WDR44: variants seen among roughly 807,000 people sequenced by gnomAD.
WDR44 encodes the protein WD repeat-containing protein 44.
In WDR44, 9 loss-of-function variants were observed where a neutral mutation model predicts 65.7. The ratio of observed to expected loss-of-function variants is 0.14; its 90% CI spans 0.08 to 0.24. WDR44 has a LOEUF of 0.24. Among genes scored for constraint, WDR44 ranks in the 10% least tolerant of loss-of-function variants. The pLI, the probability that WDR44 is intolerant of heterozygous loss-of-function variation, is 1.00. For synonymous variants in WDR44, 220 were observed against 235.2 expected (o/e 0.94, Z 0.59); for missense variants, 425 against 670.9 (o/e 0.63, Z 4.05).
At chrX:118,369,883 A>T (rs2056599145) in intron 1 of WDR44, among the ~76,000 whole-genome samples, 2 of 112,509 alleles carry the variant, frequency 1.8e-5, no homozygotes, top group Non-Finnish European at 3.7e-5. Flanking sequence ...TAAGTGGAAG[A>T]CACACTAAAT....
At chrX:118,368,760 C>G (rs1246474596) in intron 1 of WDR44, among the ~76,000 whole-genome samples, 1 of 98,330 alleles carries the variant, frequency 1.0e-5, no homozygotes, top group African/African-American at 3.9e-5. Flanking sequence ...CTCTGTCACC[C>G]AGGCTGGAGT....
chrX:118,432,102 TG>T (rs2057216788), intron 12 of WDR44, among the ~76,000 whole-genome samples: 1 of 111,935 alleles, frequency 8.9e-6, no homozygotes, highest in Non-Finnish European at 1.9e-5. Flanking sequence ...CAACTGAAAA[TG>T]GCTTAAACAA....
chrX:118,441,141 C>T lies in WDR44; in HGVS notation c.1975-227C>T, dbSNP rs766270739. Among the ~76,000 whole-genome samples the T allele has an allele frequency of 4.6e-5, 5 of 108,825 alleles. No homozygotes were observed. The South Asian group carries it at 2.0e-3, about 43-fold the overall frequency. 94.5% of individuals were successfully genotyped at this position (108,825 alleles called of 115,157 possible). On this transcript the variant is annotated intron_variant, in intron 14 of 19. Coordinates refer to ENST00000254029, the MANE Select transcript of WDR44 (RefSeq NM_019045.5). ...TGCCCAGCTAATTTTTATATTTTTA[C>T]TAGAGACGAGGTTTCACCATATTGG...
chrX:118,395,101 TGAAG>T (rs1476177742), intron 5 of WDR44, 144 bp from the exon 6 acceptor site: 3 of 502,973 alleles, frequency 6.0e-6, no homozygotes, highest in Non-Finnish European at 9.7e-6. Flanking sequence ...CTGGGAAAAA[TGAAG>T]GACTGAAACG....
intron 1 of WDR44, among the ~76,000 whole-genome samples, chrX:118,369,615 C>T (rs1233880941): frequency 9.4e-6 from 1 of 106,414 alleles, no homozygotes; most frequent in African/African-American, 3.5e-5. Flanking sequence ...GCTACAGGCG[C>T]CCACCACCAC....
chrX:118,406,714 C>T (rs866683350), intron 9 of WDR44, among the ~76,000 whole-genome samples, 161 bp from the exon 10 acceptor site: 1 of 111,770 alleles, frequency 8.9e-6, no homozygotes, highest in Non-Finnish European at 1.9e-5. Flanking sequence ...TTGAACCTGG[C>T]AGTCTGGCAT....
chrX:118,364,053 G>A (rs1418161816), intron 1 of WDR44, among the ~76,000 whole-genome samples: 1 of 112,253 alleles, frequency 8.9e-6, no homozygotes, highest in Non-Finnish European at 1.9e-5. Flanking sequence ...GGTAGAGCAT[G>A]CATTAAGTGA....
chrX:118,392,245 G>T (rs1039967895), intron 3 of WDR44, among the ~76,000 whole-genome samples: 5 of 112,123 alleles, frequency 4.5e-5, no homozygotes, highest in Admixed American at 9.5e-5. Context: ...GCATAAATAT[G>T]TAAATGAATC....
chrX:118,438,797 G>GTTTTTTTGTTTTTTTTTTTT (rs1431508948), intron 14 of WDR44, among the ~76,000 whole-genome samples: 3 of 64,071 alleles, frequency 4.7e-5, no homozygotes, highest in African/African-American at 1.7e-4. Flanking sequence ...GTTCAGCCAT[G>GTTTTTTTGTTTTTTTTTTTT]TTTTTTTTTT....
At chrX:118,444,937 C>G (rs2057333774) in intron 19 of WDR44, 2 of 329,440 alleles carry the variant, frequency 6.1e-6, no homozygotes, top group South Asian at 5.2e-5. Context: ...ATATCCATTT[C>G]TGAACTTTTC....
intron 4 of WDR44, 48 bp from the exon 5 acceptor site, chrX:118,394,007 A>G (rs1569367962): frequency 8.8e-7 from 1 of 1,138,916 alleles, no homozygotes; most frequent in South Asian, 1.9e-5. Flanking sequence ...TGTTACAAGA[A>G]TCAAACAAAA....
At chrX:118,387,459 A>G in intron 3 of WDR44, 45 bp downstream of exon 3, 1 of 961,552 alleles carries the variant, frequency 1.0e-6, no homozygotes, top group Non-Finnish European at 1.4e-6. Context: ...CAGACATCAT[A>G]TTTATATGGT....
intron 12 of WDR44, among the ~76,000 whole-genome samples, chrX:118,414,294 G>T (rs5956053): frequency 0.44 from 33,704 of 76,569 alleles, 8,670 homozygotes; most frequent in African/African-American, 0.86. Context: ...ATGGTTTTGT[G>T]TTTTTTTTTT....
intron 13 of WDR44, among the ~76,000 whole-genome samples, chrX:118,434,488 TTA>T (rs1214050350): frequency 8.9e-6 from 1 of 112,281 alleles, no homozygotes; most frequent in East Asian, 2.8e-4. Context: ...ACTTTTATTT[TTA>T]TTTCATTTTT....
At chrX:118,405,740 A>G (rs2056960318) in intron 9 of WDR44, among the ~76,000 whole-genome samples, 1 of 112,246 alleles carries the variant, frequency 8.9e-6, no homozygotes, top group African/African-American at 3.2e-5. Flanking sequence ...TTAAAAATAT[A>G]TAAAAAATAA....
rs201419938 is a variant in WDR44 at position 118,356,386 on chromosome X, A to AT, written c.77+9817dup. Among the ~76,000 whole-genome samples, 7 of 105,398 alleles carry AT rather than the reference A, an allele frequency of 6.6e-5. No individual in the cohort carries two copies. The East Asian group carries it at 1.2e-3, about 18-fold the overall frequency. The allele number at this position is 105,398 out of a possible 115,157, so 91.5% of individuals were successfully genotyped here. ...CCGTGTCAAAAAGTCTTAATCCCAG[A>AT]TTTTTTTTTTTCCTACAATTGTTTT... On this transcript the variant is annotated intron_variant, in intron 1 of 19. Coordinates refer to ENST00000254029, the MANE Select transcript of WDR44 (RefSeq NM_019045.5).
Position 118,404,463 on chromosome X carries a change from T to A in WDR44, c.1381+19T>A, listed in dbSNP as rs775004533. ...GATGAAGGTGAGTTAAAACAGAACA[T>A]TTCAACTAAACATTCAATTAATTTG... On this transcript the variant is annotated intron_variant, in intron 9 of 19. Transcript: ENST00000254029. 1 of 1,078,099 alleles carries A rather than the reference T, an allele frequency of 9.3e-7. No homozygotes were observed. Among genetic ancestry groups the A allele is most frequent in the Non-Finnish European group, 1.3e-6 (1 of 791,730 alleles). 88.8% of individuals were successfully genotyped at this position (1,078,099 alleles called of 1,213,427 possible). A position where few individuals can be genotyped will look rare whatever the true frequency, so the allele number is the denominator to read the frequency against.
intron 12 of WDR44, among the ~76,000 whole-genome samples, chrX:118,432,160 C>T (rs1005213563): frequency 9.0e-6 from 1 of 111,511 alleles, no homozygotes; most frequent in Non-Finnish European, 1.9e-5. Context: ...TTGGTTAATT[C>T]AGCAGCTCAG....
At chrX:118,361,093 A>G (rs778217058) in intron 1 of WDR44, among the ~76,000 whole-genome samples, 1 of 111,992 alleles carries the variant, frequency 8.9e-6, no homozygotes, top group Non-Finnish European at 1.9e-5. Flanking sequence ...TGTATGTTCA[A>G]TTGTTCTGGT....
Sources: allele counts gnomAD v4.1 joint callset (sites outside exome capture counted in the v4.1 genomes callset), GRCh38; gene constraint gnomAD v4.1.1; transcripts MANE v1.5; gene names NCBI Gene and HGNC (gene_info 2026-07-23, HGNC 2026-07-21).